Variants in RYR3 observed in about 807,000 individuals in gnomAD.
The protein encoded by RYR3 is ryanodine receptor 3, also known as brain ryanodine receptor-calcium release channel.
A neutral mutation model predicts 584.3 loss-of-function variants in RYR3; 207 were observed. That is an observed-to-expected ratio of 0.35 (90% CI 0.32 to 0.40). The LOEUF is 0.40. Among genes scored for constraint, RYR3 ranks in the 10% least tolerant of loss-of-function variants. The probability of loss-of-function intolerance (pLI) is 1.00; values close to 1 mark genes in which losing one functional copy is unlikely to be tolerated. For missense variants in RYR3, 5,616 were observed against 6,089.2 expected, an observed-to-expected ratio of 0.92 and a Z score of 2.59; for synonymous variants, 2,416 against 2,248.5, an observed-to-expected ratio of 1.07 and a Z score of -2.11.
chr15:33,585,946 A>T, intron 15 of RYR3, 52 bp from the exon 16 acceptor site: 1 of 1,069,152 alleles, frequency 9.4e-7, no homozygotes, highest in Non-Finnish European at 1.5e-6. Context: ...AATTGTGGTC[A>T]CTTCTGCAGG....
chr15:33,552,430 T>A (rs1269589878), intron 10 of RYR3, among the ~76,000 whole-genome samples: 1 of 152,162 alleles, frequency 6.6e-6, no homozygotes, highest in Non-Finnish European at 1.5e-5. Context: ...TGGAAAGTCG[T>A]CATGGTACCA....
chr15:33,663,482 C>A (rs1013646954), intron 35 of RYR3, 55 bp from the exon 36 acceptor site: 4 of 1,499,564 alleles, frequency 2.7e-6, no homozygotes, highest in East Asian at 2.3e-5. Flanking sequence ...AATGGGCATG[C>A]TAGCAGCCTC....
intron 32 of RYR3, among the ~76,000 whole-genome samples, chr15:33,656,508 C>G (rs1013644317): frequency 4.6e-5 from 7 of 152,028 alleles, no homozygotes; most frequent in African/African-American, 1.7e-4. Flanking sequence ...TGTTGCCTGA[C>G]AAGTTACCAC....
At chr15:33,335,737 G>C (rs1413333705) in intron 1 of RYR3, among the ~76,000 whole-genome samples, 1 of 148,490 alleles carries the variant, frequency 6.7e-6, no homozygotes, top group Non-Finnish European at 1.5e-5. Flanking sequence ...AAAAAAAAAA[G>C]ATCAGTGGAT....
At chr15:33,731,062 G>T (rs2068903620) in intron 47 of RYR3, among the ~76,000 whole-genome samples, 1 of 152,174 alleles carries the variant, frequency 6.6e-6, no homozygotes, top group Admixed American at 6.5e-5. Context: ...TCCCTGGTAG[G>T]TGAGAAAAGA....
At chr15:33,476,781 T>C (rs1265620053) in intron 2 of RYR3, among the ~76,000 whole-genome samples, 1 of 152,172 alleles carries the variant, frequency 6.6e-6, no homozygotes. Context: ...TGTGCCCCTT[T>C]TATATGTAGC....
chr15:33,640,669 A>C (rs961971595), intron 27 of RYR3, among the ~76,000 whole-genome samples: 1 of 152,220 alleles, frequency 6.6e-6, no homozygotes, highest in Non-Finnish European at 1.5e-5. Flanking sequence ...GAGGCCTTAT[A>C]ATACCAAGTG....
chr15:33,337,230 T>C (rs1418397492), intron 1 of RYR3, among the ~76,000 whole-genome samples: 1 of 152,022 alleles, frequency 6.6e-6, no homozygotes, highest in Non-Finnish European at 1.5e-5. Context: ...TTTGAAAACT[T>C]AGATGTTAGG....
chr15:33,639,641 C>G (rs141068240), intron 27 of RYR3, among the ~76,000 whole-genome samples: 20 of 152,292 alleles, frequency 1.3e-4, no homozygotes, highest in Non-Finnish European at 2.4e-4. Flanking sequence ...AGTCATTACC[C>G]CAGTGGGAGC....
chr15:33,548,905 G>A (rs150243648), intron 9 of RYR3, among the ~76,000 whole-genome samples: 112 of 152,190 alleles, frequency 7.4e-4, no homozygotes, highest in African/African-American at 2.7e-3. Flanking sequence ...TTCCTTCTCT[G>A]CCTTTCCCTC....
intron 1 of RYR3, among the ~76,000 whole-genome samples, chr15:33,426,831 C>G (rs2044690983): frequency 6.6e-6 from 1 of 152,070 alleles, no homozygotes; most frequent in African/African-American, 2.4e-5. Context: ...GATTGTGGTA[C>G]CAGCATGATC....
At chr15:33,773,705 A>G in intron 64 of RYR3, 90 bp downstream of exon 64, 1 of 861,508 alleles carries the variant, frequency 1.2e-6, no homozygotes, top group Non-Finnish European at 1.9e-6. Flanking sequence ...ATTTCAATCC[A>G]GCAAGACCAA....
rs569511325 is a variant in RYR3 at position 33,410,915 on chromosome 15, G to T, written c.52-62504G>T. Among the ~76,000 whole-genome samples the T allele has an allele frequency of 2.0e-5, 3 of 152,314 alleles. No individual in the cohort carries two copies. The South Asian group carries it at 6.2e-4, about 32-fold the overall frequency. ...AAAGGCACATCTTACATGGCGGCAG[G>T]CAACAGAGCTTGTGCAAGGGAACTC... is the stretch of plus-strand genomic sequence containing the variant. On this transcript the variant is annotated intron_variant, in intron 1 of 103. Coordinates refer to ENST00000634891, the MANE Select transcript of RYR3 (RefSeq NM_001036.6).
chr15:33,502,156 C>T (rs764034707), intron 2 of RYR3, among the ~76,000 whole-genome samples: 2 of 152,146 alleles, frequency 1.3e-5, no homozygotes, highest in African/African-American at 2.4e-5. Context: ...TTGTCCATTA[C>T]TGGCTTAAAA....
At chr15:33,569,323 C>T (rs2152494845) in intron 12 of RYR3, among the ~76,000 whole-genome samples, 1 of 152,230 alleles carries the variant, frequency 6.6e-6, no homozygotes, top group Middle Eastern at 3.4e-3. Flanking sequence ...TTTTTAGTTT[C>T]AGTGTCATCA....
chr15:33,794,649 G>A (rs2075482600), intron 67 of RYR3, among the ~76,000 whole-genome samples: 1 of 152,132 alleles, frequency 6.6e-6, no homozygotes, highest in Admixed American at 6.5e-5. Flanking sequence ...CAATGTCAGA[G>A]AGTCTTTGAG....
At chr15:33,709,536 T>A (rs897229559) in intron 43 of RYR3, among the ~76,000 whole-genome samples, 1 of 152,158 alleles carries the variant, frequency 6.6e-6, no homozygotes, top group East Asian at 1.9e-4. Flanking sequence ...AGGTGTTAGG[T>A]CATGAGGACC....
chr15:33,457,636 G>A, intron 1 of RYR3, among the ~76,000 whole-genome samples: 1 of 152,136 alleles, frequency 6.6e-6, no homozygotes, highest in Non-Finnish European at 1.5e-5. Context: ...ATAGTTAGGA[G>A]GAATAAGTTC....
At chr15:33,834,305 C>A (rs987572777) in intron 86 of RYR3, among the ~76,000 whole-genome samples, 8 of 144,044 alleles carry the variant, frequency 5.6e-5, no homozygotes, top group African/African-American at 2.0e-4. Flanking sequence ...CACACACACA[C>A]ACACACACAC....
Sources: allele counts gnomAD v4.1 joint callset (sites outside exome capture counted in the v4.1 genomes callset), GRCh38; gene constraint gnomAD v4.1.1; transcripts MANE v1.5; gene names NCBI Gene and HGNC (gene_info 2026-07-23, HGNC 2026-07-21).